Variants in PGM1 observed in about 807,000 individuals in gnomAD.
PGM1 encodes the protein phosphoglucomutase 1.
PGM1 carries 52 observed loss-of-function variants against 55.6 expected under a neutral mutation model. That is an observed-to-expected ratio of 0.94 (90% CI 0.75 to 1.18). PGM1 has a LOEUF of 1.18. PGM1 is among the 50% of genes most tolerant of loss of function. PGM1 has a pLI of 0.00. For missense variants in PGM1, 724 were observed against 729.3 expected (o/e 0.99, Z 0.08); for synonymous variants, 287 against 271.7 (o/e 1.06, Z -0.55).
Position 63,636,263 on chromosome 1 carries a change from G to A in PGM1, c.903G>A (p.Gly301=), listed in dbSNP as rs1218690301. 1.2e-6 allele frequency: 2 copies of A among 1,614,010 alleles called. No individual in the cohort carries two copies. Among genetic ancestry groups the A allele is most frequent in the Middle Eastern group, 1.6e-4 (1 of 6,084 alleles). ...GDRNMILGKH[G]FFVNPSDSVA... is the part of the protein sequence containing the mutation. ...GAAACATGATTCTGGGCAAGCATGG[G>A]TTCTTTGTGAACCCTTCAGACTCTG... The change falls in exon 6 of 11, where the codon GGG becomes GGA. Residue 301 remains glycine (G), a synonymous_variant. Coordinates refer to ENST00000371084, the MANE Select transcript of PGM1 (RefSeq NM_002633.3).
At chr1:63,600,084 T>A (rs1557701621) in intron 1 of PGM1, 1 of 152,178 alleles carries the variant, frequency 6.6e-6, no homozygotes, top group African/African-American at 2.4e-5. Context: ...GAGCGGATAG[T>A]GTGCGATAGA....
intron 2 of PGM1, 31 bp from the exon 3 acceptor site, chr1:63,629,911 A>T: frequency 6.2e-7 from 1 of 1,613,548 alleles, no homozygotes. Context: ...AGCTGCACGA[A>T]GTAACCCACT....
At chr1:63,629,372 G>T in intron 1 of PGM1, 53 bp from the exon 2 acceptor site, 1 of 1,497,310 alleles carries the variant, frequency 6.7e-7, no homozygotes, top group Non-Finnish European at 9.3e-7. Context: ...TTTCTGAGCG[G>T]TGACTCTGGA....
At chr1:63,638,830 C>G in intron 7 of PGM1, 30 bp downstream of exon 7, 2 of 1,429,228 alleles carry the variant, frequency 1.4e-6, no homozygotes, top group Non-Finnish European at 2.0e-6. Context: ...TAGCATTTTC[C>G]TCCCTGTAAC....
Position 63,659,644 on chromosome 1 carries a change from C to T in PGM1, c.1658C>T (p.Thr553Met), listed in dbSNP as rs544535337. 27 of 1,613,920 alleles carry T rather than the reference C, an allele frequency of 1.7e-5. No homozygotes were observed. The highest frequency in any genetic ancestry group is 1.1e-4 in the African/African-American group (8 of 75,012). ...AAAGTGTCCCAGCTGCAGGAGAGGA[C>T]GGGACGCACTGCACCCACTGTCATC... ...ALKVSQLQERTGRTAPTVIT is the reference protein window; with the variant it reads ...ALKVSQLQERMGRTAPTVIT The change falls in exon 11 of 11, where the codon ACG becomes ATG. Residue 553 changes from threonine (T) to methionine (M), a missense_variant. Physicochemically the swap from Thr to Met is moderately conservative, Grantham distance 81. Around this residue, in one of 3 missense-constraint regions of PGM1, gnomAD observed 316 missense variants for 313.1 expected, o/e 1.01. Coordinates refer to ENST00000371084, the MANE Select transcript of PGM1 (RefSeq NM_002633.3).
chr1:63,596,576 C>T (rs1039435301), intron 1 of PGM1, among the ~76,000 whole-genome samples: 1 of 152,058 alleles, frequency 6.6e-6, no homozygotes, highest in Non-Finnish European at 1.5e-5. Context: ...GGTTTCTACG[C>T]TCAGGTTGTT....
intron 1 of PGM1, among the ~76,000 whole-genome samples, chr1:63,597,016 AT>A (rs2100952453): frequency 6.6e-6 from 1 of 152,352 alleles, no homozygotes; most frequent in Non-Finnish European, 1.5e-5. Flanking sequence ...TGCCTCAGAC[AT>A]TGTACTTGAG....
At chr1:63,607,596 G>C (rs936208475) in intron 1 of PGM1, among the ~76,000 whole-genome samples, 2 of 152,116 alleles carry the variant, frequency 1.3e-5, no homozygotes, top group East Asian at 1.9e-4. Flanking sequence ...AGCAGACCAG[G>C]CTGTCAAAAA....
At chr1:63,636,989 G>C (rs1259817930) in intron 6 of PGM1, among the ~76,000 whole-genome samples, 1 of 152,174 alleles carries the variant, frequency 6.6e-6, no homozygotes, top group African/African-American at 2.4e-5. Context: ...GAGGTGGCTT[G>C]TTAGATCACA....
At chr1:63,653,191 C>A (rs889112433) in intron 9 of PGM1, among the ~76,000 whole-genome samples, 3 of 152,102 alleles carry the variant, frequency 2.0e-5, no homozygotes, top group Non-Finnish European at 4.4e-5. Context: ...ATCAGAAAAT[C>A]CAAGCATTTT....
chr1:63,616,906 G>A lies in PGM1; in HGVS notation c.247-12519G>A, dbSNP rs566099125. 1.3e-5 allele frequency among the ~76,000 whole-genome samples: 2 copies of A among 152,166 alleles called. 1 individual carries two copies. Among genetic ancestry groups the A allele is most frequent in the South Asian group, 4.1e-4 (2 of 4,824 alleles). ...ACATAGCCAATGGCCCGTCCCAATT[G>A]TTGGGTATGAAACACGCCTGCTTGT... On this transcript the variant is annotated intron_variant, in intron 1 of 10. Coordinates refer to ENST00000371084, the MANE Select transcript of PGM1 (RefSeq NM_002633.3).
chr1:63,636,139 T>C (rs1001354828), intron 5 of PGM1, 95 bp from the exon 6 acceptor site: 1 of 1,223,714 alleles, frequency 8.2e-7, no homozygotes, highest in Non-Finnish European at 1.2e-6. Context: ...TTTCAAATTT[T>C]ATAGTTTTAC....
At chr1:63,627,062 CCCCCA>C (rs1570491209) in intron 1 of PGM1, among the ~76,000 whole-genome samples, 4 of 127,746 alleles carry the variant, frequency 3.1e-5, no homozygotes, top group Admixed American at 1.5e-4. Context: ...GACCCCCCCC[CCCCCA>C]CACACACACA....
chr1:63,600,643 T>G (rs1648216399), intron 1 of PGM1, among the ~76,000 whole-genome samples: 1 of 152,194 alleles, frequency 6.6e-6, no homozygotes, highest in South Asian at 2.1e-4. Context: ...GTGCAGCAAT[T>G]GGGATGTCTG....
At chr1:63,629,327 AT>A in intron 1 of PGM1, 97 bp from the exon 2 acceptor site, 1 of 980,216 alleles carries the variant, frequency 1.0e-6, no homozygotes, top group Non-Finnish European at 1.7e-6. Context: ...TATTACTATT[AT>A]TTTTTTGTCC....
chr1:63,619,425 T>C (rs1248454340), intron 1 of PGM1, among the ~76,000 whole-genome samples: 1 of 152,204 alleles, frequency 6.6e-6, no homozygotes, highest in African/African-American at 2.4e-5. Context: ...AAGTTGTGTG[T>C]AGAAAGCTGG....
chr1:63,634,531 A>G (rs945161336), intron 4 of PGM1, among the ~76,000 whole-genome samples: 7 of 152,156 alleles, frequency 4.6e-5, no homozygotes, highest in Admixed American at 3.9e-4. Flanking sequence ...ACTGAATGGG[A>G]AAGCACAGGT....
rs780764308 is a variant in PGM1, at chr1:63,629,606, T to G, written c.409+19T>G. ...AATGGAGGTGAGTTTGCTGTCATTT[T>G]GAGGACAGGTAAGTTTACATTCAGT... On this transcript the variant is annotated intron_variant, in intron 2 of 10. Transcript: ENST00000371084. 1.9e-6 allele frequency: 3 copies of G among 1,610,864 alleles called. No individual in the cohort carries two copies. Among genetic ancestry groups the G allele is most frequent in the Non-Finnish European group, 2.5e-6 (3 of 1,177,354 alleles).
intron 10 of PGM1, 138 bp from the exon 11 acceptor site, chr1:63,659,448 A>G (rs1363051515): frequency 1.4e-6 from 1 of 726,698 alleles, no homozygotes; most frequent in Non-Finnish European, 2.5e-6. Flanking sequence ...GGGGGAAATA[A>G]CATGTGTTTG....
Sources: allele counts gnomAD v4.1 joint callset (sites outside exome capture counted in the v4.1 genomes callset), GRCh38; gene constraint gnomAD v4.1.1; regional missense constraint gnomAD v4.1.1; transcripts MANE v1.5; gene names NCBI Gene and HGNC (gene_info 2026-07-23, HGNC 2026-07-21).